CBLN2: variants seen among roughly 807,000 people sequenced by gnomAD.
The protein encoded by CBLN2 is cerebellin 2 precursor.
Under a neutral mutation model 15.0 loss-of-function variants are expected in CBLN2, and 7 were observed. The observed-to-expected ratio is 0.47, with a 90% CI of 0.27 to 0.88. The LOEUF (loss-of-function observed/expected upper bound fraction) is 0.88, where lower values mean the gene tolerates loss of function less well. Ranked by LOEUF, CBLN2 falls within the 40% of genes least tolerant of loss-of-function variation. CBLN2 has a pLI of 0.14. For missense variants in CBLN2, 242 were observed against 304.5 expected (o/e 0.79, Z 1.53); for synonymous variants, 149 against 135.2 (o/e 1.10, Z -0.71).
chr18:72,618,821 T>C (rs2069680213), intron 1 of CBLN2: 2 of 736,504 alleles, frequency 2.7e-6, no homozygotes, highest in Non-Finnish European at 4.9e-6. Flanking sequence ...AAGCAAGAGA[T>C]GGCGAGTGCT....
chr18:72,615,268 T>A (rs1240649145), intron 1 of CBLN2, among the ~76,000 whole-genome samples: 1 of 42,986 alleles, frequency 2.3e-5, no homozygotes, highest in Non-Finnish European at 6.9e-5. Flanking sequence ...TATGTATATA[T>A]TATATATATA....
intron 1 of CBLN2, among the ~76,000 whole-genome samples, chr18:72,629,960 A>G (rs2069763813): frequency 6.6e-6 from 1 of 152,212 alleles, no homozygotes; most frequent in African/African-American, 2.4e-5. Context: ...TCTCTTAACC[A>G]AAAGATACCA....
chr18:72,573,277 G>T (rs1034196009), intron 1 of CBLN2, among the ~76,000 whole-genome samples: 8 of 152,278 alleles, frequency 5.3e-5, no homozygotes, highest in African/African-American at 1.9e-4. Flanking sequence ...AAATATCTTG[G>T]GGGGAAGGTA....
intron 1 of CBLN2, among the ~76,000 whole-genome samples, chr18:72,623,778 G>C (rs907570764): frequency 6.6e-6 from 1 of 152,164 alleles, no homozygotes; most frequent in African/African-American, 2.4e-5. Flanking sequence ...CAGCCTGAGA[G>C]CTTCAAGAAA....
At chr18:72,596,976 T>C (rs1315423638) in intron 1 of CBLN2, among the ~76,000 whole-genome samples, 1 of 152,230 alleles carries the variant, frequency 6.6e-6, no homozygotes, top group African/African-American at 2.4e-5. Flanking sequence ...TGGGAAGTTC[T>C]CTGTTATTAT....
intron 1 of CBLN2, among the ~76,000 whole-genome samples, chr18:72,621,344 TA>T (rs1258326482): frequency 6.6e-6 from 1 of 152,190 alleles, no homozygotes; most frequent in African/African-American, 2.4e-5. Context: ...TTTTACGTGA[TA>T]TTTTTGATAG....
intron 1 of CBLN2, among the ~76,000 whole-genome samples, chr18:72,590,039 G>A (rs539067290): frequency 9.2e-5 from 14 of 152,268 alleles, no homozygotes; most frequent in South Asian, 2.1e-4. Flanking sequence ...AGGCCGAGGC[G>A]GGCAGATCAC....
intron 1 of CBLN2, among the ~76,000 whole-genome samples, chr18:72,633,347 T>TATTC (rs1371304258): frequency 1.3e-5 from 2 of 152,198 alleles, no homozygotes; most frequent in Non-Finnish European, 2.9e-5. Context: ...GTGCTATGAC[T>TATTC]ATTCCTAGGA....
chr18:72,615,054 T>TATAA (rs1453593700), intron 1 of CBLN2, among the ~76,000 whole-genome samples: 1 of 138,166 alleles, frequency 7.2e-6, no homozygotes, highest in African/African-American at 2.7e-5. Context: ...TATATATATA[T>TATAA]ATAAATATAT....
upstream of CBLN2, chr18:72,544,351 G>C (rs989605822): frequency 5.3e-5 from 8 of 152,240 alleles, no homozygotes; most frequent in Admixed American, 5.2e-4. Flanking sequence ...CTGGTGGAGC[G>C]GCTGGCGCTT....
Position 72,607,465 on chromosome 18 carries a change from A to T in CBLN2, c.15+30860T>A, listed in dbSNP as rs140057359. Among the ~76,000 whole-genome samples, 6 of 152,336 alleles carry T rather than the reference A, an allele frequency of 3.9e-5. No homozygotes were observed. The East Asian group carries it at 9.7e-4, about 25-fold the overall frequency. ...ACTGTTCCCTTTCTCCTGTAGGATC[A>T]GTTGTGGCTACCTTCTTTGTATTCA... On this transcript the variant is annotated intron_variant, in intron 1 of 2. Coordinates refer to the CBLN2 transcript ENST00000581073.
intron 1 of CBLN2, among the ~76,000 whole-genome samples, chr18:72,570,871 A>G (rs1174511193): frequency 6.6e-6 from 1 of 152,146 alleles, no homozygotes. Flanking sequence ...GAATGACTGC[A>G]ATGGAGCCAC....
At chr18:72,607,368 CTTGGAAATGCACATGTGTTCA>C (rs1167326365) in intron 1 of CBLN2, among the ~76,000 whole-genome samples, 1 of 152,194 alleles carries the variant, frequency 6.6e-6, no homozygotes, top group African/African-American at 2.4e-5. Flanking sequence ...ATCCGCCCCA[CTTGGAAATGCACATGTGTTCA>C]TTTCTCACTC....
At chr18:72,628,267 T>C (rs2144975754) in intron 1 of CBLN2, among the ~76,000 whole-genome samples, 1 of 152,334 alleles carries the variant, frequency 6.6e-6, no homozygotes, top group East Asian at 1.9e-4. Context: ...TGACATTAAA[T>C]AGAAACTGAA....
intron 1 of CBLN2, among the ~76,000 whole-genome samples, chr18:72,590,537 G>A (rs567305055): frequency 1.3e-5 from 2 of 152,216 alleles, no homozygotes; most frequent in South Asian, 4.1e-4. Context: ...AGAATTTATT[G>A]TGATAATGAC....
chr18:72,576,825 C>T (rs571191110), intron 1 of CBLN2, among the ~76,000 whole-genome samples: 1 of 150,610 alleles, frequency 6.6e-6, no homozygotes, highest in South Asian at 2.1e-4. Context: ...TAAAAAACTA[C>T]CTGGCTGTTA....
intron 1 of CBLN2, among the ~76,000 whole-genome samples, chr18:72,630,394 G>T (rs1365017367): frequency 6.6e-6 from 1 of 151,996 alleles, no homozygotes; most frequent in African/African-American, 2.4e-5. Context: ...ACTTCCTAAA[G>T]TTAGGGATTT....
rs12607595 is a variant in CBLN2, at chr18:72,579,498, C to T, written c.16-40726G>A. Among the ~76,000 whole-genome samples, 5,569 of 151,802 alleles carry T rather than the reference C, an allele frequency of 0.037. 742 individuals carry two copies. The East Asian group carries it at 0.5, about 14-fold the overall frequency. On this transcript the variant is annotated intron_variant, in intron 1 of 2. Coordinates refer to the CBLN2 transcript ENST00000581073. The stretch of plus-strand genomic sequence containing the variant: ...CTGTAATCCCAGCACTTTGGGAGGC[C>T]GAGGTGGGTGGATCACAAGGTCAGG...
rs556007640 is a variant in CBLN2, at chr18:72,630,547, C to A, written c.15+7778G>T. 3.4e-4 allele frequency among the ~76,000 whole-genome samples: 36 copies of A among 106,848 alleles called. No individual in the cohort carries two copies. In the Middle Eastern group the frequency reaches 0.016, roughly 47 times the overall value. 70.1% of individuals were successfully genotyped at this position (106,848 alleles called of 152,430 possible). On this transcript the variant is annotated intron_variant, in intron 1 of 2. Coordinates refer to the CBLN2 transcript ENST00000581073. Reference sequence around the variant, plus strand: ...CCTGCACAACTCACAACCCTCCCCCCCACACACACACACATGCAGAGAGAG... The same window carrying A: ...CCTGCACAACTCACAACCCTCCCCCACACACACACACACATGCAGAGAGAG...
Sources: allele counts gnomAD v4.1 joint callset (sites outside exome capture counted in the v4.1 genomes callset), GRCh38; gene constraint gnomAD v4.1.1; transcripts MANE v1.5; gene names NCBI Gene and HGNC (gene_info 2026-07-23, HGNC 2026-07-21).